NINL: variants seen among roughly 807,000 people sequenced by gnomAD.
The protein encoded by NINL is ninein like.
Under a neutral mutation model 160.3 loss-of-function variants are expected in NINL, and 153 were observed. The ratio of observed to expected loss-of-function variants is 0.95; its 90% CI spans 0.84 to 1.09. The LOEUF is 1.09. NINL is among the 50% of genes least tolerant of loss of function. The pLI is 0.00. For missense variants in NINL, 1,829 were observed against 1,764.0 expected (o/e 1.04, Z -0.66); for synonymous variants, 800 against 734.8 (o/e 1.09, Z -1.43).
chr20:25,578,901 G>C (rs372000670), intron 1 of NINL, among the ~76,000 whole-genome samples: 11 of 152,072 alleles, frequency 7.2e-5, no homozygotes, highest in Admixed American at 3.9e-4. Context: ...CCAGCTACTT[G>C]GGAGGCTGAG....
At chr20:25,470,347 C>T (rs1247059781) in intron 17 of NINL, among the ~76,000 whole-genome samples, 1 of 152,222 alleles carries the variant, frequency 6.6e-6, no homozygotes, top group Non-Finnish European at 1.5e-5. Flanking sequence ...CAAATGCACT[C>T]AGAACCTTGG....
At chr20:25,565,817 A>G (rs1298406843) in intron 1 of NINL, among the ~76,000 whole-genome samples, 2 of 152,136 alleles carry the variant, frequency 1.3e-5, no homozygotes, top group African/African-American at 4.8e-5. Flanking sequence ...GAGAGAACAA[A>G]AACAGAGAAA....
At position 25,491,396 on chromosome 20, in the gene NINL, C is replaced by T. The variant is rs2063631346; in HGVS notation, c.1440G>A (p.Gln480=). 1 of 1,612,308 alleles carries T rather than the reference C, an allele frequency of 6.2e-7. No homozygotes were observed. Among genetic ancestry groups the T allele is most frequent in the Non-Finnish European group, 8.5e-7 (1 of 1,179,918 alleles). Reference sequence around the variant, plus strand: ...TCTCGCGGAGGCCAGCCTCCTCAGCCTGCAGGCGCCCCACGTCCCACTCCA... The same window carrying T: ...TCTCGCGGAGGCCAGCCTCCTCAGCTTGCAGGCGCCCCACGTCCCACTCCA... ...AALEWDVGRL[Q]AEEAGLREKL... The change falls in exon 11 of 24, where the codon CAG becomes CAA. Residue 480 remains glutamine (Q), a synonymous_variant. Transcript: ENST00000278886.
Position 25,480,253 on chromosome 20 carries a change from C to A in NINL, c.1825G>T (p.Gly609Cys). The change falls in exon 15 of 24, where the codon GGT becomes TGT. Residue 609 changes from glycine (G) to cysteine (C), a missense_variant. Gly to Cys is a radical substitution (Grantham distance 159, BLOSUM62 -3). Coordinates refer to ENST00000278886, the MANE Select transcript of NINL (RefSeq NM_025176.6). ...TCTATACTCACTGGAGCAGAATTAC[C>A]CAGGAATGAAATGCCTGCAAACAAG... ...GLGPAGISFL[G>C]NSAPVSIETE... 1 of 1,613,950 alleles carries A rather than the reference C, an allele frequency of 6.2e-7. No individual in the cohort carries two copies. The highest frequency in any genetic ancestry group is 8.5e-7 in the Non-Finnish European group (1 of 1,179,942).
At chr20:25,581,445 T>TAA (rs1459116101) in intron 1 of NINL, among the ~76,000 whole-genome samples, 23 of 4,006 alleles carry the variant, frequency 5.7e-3, no homozygotes, top group Admixed American at 0.055. Context: ...CCTTCTCAGT[T>TAA]TAAAAAAAAA....
chr20:25,490,538 C>T (rs1271532300), intron 11 of NINL, among the ~76,000 whole-genome samples: 26 of 131,690 alleles, frequency 2.0e-4, no homozygotes, highest in African/African-American at 3.6e-4. Context: ...CTAGCCTGGG[C>T]GACAGAGCGA....
chr20:25,493,585 C>T (rs940819573), intron 10 of NINL, among the ~76,000 whole-genome samples: 1 of 152,162 alleles, frequency 6.6e-6, no homozygotes, highest in African/African-American at 2.4e-5. Flanking sequence ...CTCCGGAAGG[C>T]AGGGAGCTAT....
At position 25,500,820 on chromosome 20, in the gene NINL, G is replaced by A. The variant is rs1242330052; in HGVS notation, c.1032+20C>T. 3 of 1,609,044 alleles carry A rather than the reference G, an allele frequency of 1.9e-6. No individual in the cohort carries two copies. The highest frequency in any genetic ancestry group is 2.7e-5 in the African/African-American group (2 of 74,714). On this transcript the variant is annotated intron_variant, in intron 8 of 23. Transcript: ENST00000278886. ...CCCCCCAGGTCCCCTGTCCAGCTTA[G>A]GCATCACCCAGTTCCAAACCTGCAA...
intron 2 of NINL, among the ~76,000 whole-genome samples, chr20:25,524,031 G>C (rs2064309874): frequency 6.6e-6 from 1 of 152,152 alleles, no homozygotes; most frequent in South Asian, 2.1e-4. Context: ...TCTACCATTG[G>C]GTTTCTTGTA....
chr20:25,584,787 A>G (rs2065209278), intron 1 of NINL, among the ~76,000 whole-genome samples: 1 of 152,208 alleles, frequency 6.6e-6, no homozygotes, highest in Non-Finnish European at 1.5e-5. Context: ...ACAATGGGGC[A>G]TCAGTACCCA....
At chr20:25,578,147 G>A (rs1421817531) in intron 1 of NINL, among the ~76,000 whole-genome samples, 1 of 149,606 alleles carries the variant, frequency 6.7e-6, no homozygotes, top group Non-Finnish European at 1.5e-5. Flanking sequence ...ATCTCACTCT[G>A]GCGCCCATGG....
At chr20:25,547,473 G>A (rs940273802) in intron 1 of NINL, among the ~76,000 whole-genome samples, 4 of 152,170 alleles carry the variant, frequency 2.6e-5, no homozygotes, top group East Asian at 1.9e-4. Flanking sequence ...CACAACGTGG[G>A]ACTCATGACT....
intron 19 of NINL, among the ~76,000 whole-genome samples, chr20:25,466,750 A>T (rs1216104608): frequency 6.6e-6 from 1 of 152,116 alleles, no homozygotes. Context: ...CAGTGAGCCA[A>T]GATCGCACCA....
intron 10 of NINL, among the ~76,000 whole-genome samples, chr20:25,495,648 T>G (rs974563986): frequency 6.6e-6 from 1 of 152,182 alleles, no homozygotes; most frequent in Non-Finnish European, 1.5e-5. Context: ...CAGGAAAGCC[T>G]GTCCTGAGCT....
At chr20:25,489,063 G>C in intron 13 of NINL, 181 bp downstream of exon 13, 2 of 631,948 alleles carry the variant, frequency 3.2e-6, no homozygotes, top group Non-Finnish European at 2.9e-6. Flanking sequence ...CGGCCTTCAG[G>C]ATAGGTGGCA....
At chr20:25,535,391 T>A (rs914741426) in intron 1 of NINL, among the ~76,000 whole-genome samples, 4 of 152,232 alleles carry the variant, frequency 2.6e-5, no homozygotes, top group African/African-American at 9.6e-5. Context: ...AAAATTGCTA[T>A]GAGAGTAGAT....
chr20:25,503,952 CT>C lies in NINL; in HGVS notation c.860del (p.Gln287ArgfsTer68), dbSNP rs1003456026. The C allele has an allele frequency of 6.2e-7, 1 of 1,614,122 alleles. No individual in the cohort carries two copies. The highest frequency in any genetic ancestry group is 1.3e-5 in the African/African-American group (1 of 75,038). On this transcript the variant is annotated frameshift_variant and splice_region_variant, in exon 7 of 24. Transcript: ENST00000278886. LOFTEE classifies it high-confidence loss of function. ...TCAGGATTTAACTGTTGCATTTTAC[CT>C]GGTAATGAGACCAAGCCTTGCTCGG... ...VKPSKAWSHYQVPEESGCHTT... is the reference protein window; with the variant it reads ...VKPSKAWSHYXVPEESGCHTT...
At chr20:25,463,075 G>A (rs1389057301) in intron 19 of NINL, among the ~76,000 whole-genome samples, 2 of 152,086 alleles carry the variant, frequency 1.3e-5, no homozygotes. Context: ...GGTATTTTTG[G>A]TAATCACAGC....
At chr20:25,575,018 C>T (rs1473803839) in intron 1 of NINL, among the ~76,000 whole-genome samples, 1 of 149,154 alleles carries the variant, frequency 6.7e-6, no homozygotes, top group African/African-American at 2.5e-5. Flanking sequence ...TACTATCAAG[C>T]AAAGAAAAAA....
Sources: allele counts gnomAD v4.1 joint callset (sites outside exome capture counted in the v4.1 genomes callset), GRCh38; gene constraint gnomAD v4.1.1; transcripts MANE v1.5; gene names NCBI Gene and HGNC (gene_info 2026-07-23, HGNC 2026-07-21).